The following LHCGR variants were observed in gnomAD, a reference collection of about 807,000 sequenced individuals.
LHCGR encodes the protein luteinizing hormone/choriogonadotropin receptor, also known as lutropin-choriogonadotropic hormone receptor.
Under a neutral mutation model 60.7 loss-of-function variants are expected in LHCGR, and 55 were observed. The observed-to-expected ratio is 0.91, with a 90% CI of 0.73 to 1.13. The LOEUF is 1.13. Ranked by LOEUF, LHCGR falls within the 50% of genes most tolerant of loss-of-function variation. The pLI is 0.00. For synonymous variants in LHCGR, 337 were observed against 316.5 expected (o/e 1.06, Z -0.69); for missense variants, 862 against 836.0 (o/e 1.03, Z -0.38).
In LHCGR at chr2:48,731,248, C is replaced by T. The variant is rs1668971448; in HGVS notation, c.212G>A (p.Gly71Glu). The change falls in exon 2 of 11, where the codon GGA becomes GAA. Residue 71 changes from glycine to glutamate, a missense_variant. Physicochemically the swap from Gly to Glu is moderately conservative, Grantham distance 98. Transcript: ENST00000294954. ...TTACATTTTTATGACCTCATTAAGT[C>T]CTCTGAAAGCTTGAGATGGGATCAC... ...VKVIPSQAFR[G>E]LNEVIKIEIS... The T allele has an allele frequency of 6.8e-6, 11 of 1,610,610 alleles. No homozygotes were observed. Among genetic ancestry groups the T allele is most frequent in the Non-Finnish European group, 8.5e-6 (10 of 1,177,538 alleles).
intron 8 of LHCGR, among the ~76,000 whole-genome samples, chr2:48,699,289 G>C (rs899164775): frequency 6.6e-6 from 1 of 151,804 alleles, no homozygotes; most frequent in African/African-American, 2.4e-5. Context: ...TTTCTCATGT[G>C]CGCCTCATTA....
chr2:48,698,738 A>G lies in LHCGR; in HGVS notation c.743T>C (p.Leu248Pro). 1 of 1,614,200 alleles carries G rather than the reference A, an allele frequency of 6.2e-7. No individual in the cohort carries two copies. The highest frequency in any genetic ancestry group is 2.2e-5 in the East Asian group (1 of 44,890). ...TAGAGAATAGGATGACGTGGCAATT[A>G]GCCTCTGAATGGACTCTAGGCCATA... ...PSYGLESIQRLIATSSYSLKK... is the reference protein window; with the variant it reads ...PSYGLESIQRPIATSSYSLKK... Residue 248 changes from leucine (L) to proline (P), a missense_variant, in exon 9 of 11, where the codon CTA (leucine) becomes CCA (proline). Coordinates refer to ENST00000294954, the MANE Select transcript of LHCGR (RefSeq NM_000233.4).
intron 1 of LHCGR, among the ~76,000 whole-genome samples, chr2:48,754,509 T>G (rs549169615): frequency 6.6e-6 from 1 of 152,206 alleles, no homozygotes; most frequent in Non-Finnish European, 1.5e-5. Flanking sequence ...AATCCTACAC[T>G]ATAGAATTTA....
chr2:48,746,043 G>T (rs891549989), intron 1 of LHCGR, among the ~76,000 whole-genome samples: 6 of 152,086 alleles, frequency 3.9e-5, no homozygotes, highest in African/African-American at 1.2e-4. Context: ...CATCTATAAA[G>T]TGTGTATAAT....
chr2:48,734,584 C>G (rs555535903), intron 1 of LHCGR, among the ~76,000 whole-genome samples: 1 of 152,296 alleles, frequency 6.6e-6, no homozygotes, highest in East Asian at 1.9e-4. Flanking sequence ...TCCCTTCTTC[C>G]CTCCTTCCTT....
chr2:48,698,473 T>A, intron 9 of LHCGR, 142 bp downstream of exon 9: 1 of 692,800 alleles, frequency 1.4e-6, no homozygotes, highest in South Asian at 1.6e-5. Context: ...TCTTCTTGTC[T>A]ATTTGAAAGT....
At position 48,729,133 on chromosome 2, in the gene LHCGR, G is replaced by T. The variant is rs755892952; in HGVS notation, c.308+20C>A. On this transcript the variant is annotated intron_variant, in intron 3 of 10. Coordinates refer to ENST00000294954, the MANE Select transcript of LHCGR (RefSeq NM_000233.4). ...GGGTAATAGTGTACAGCAGTAAACTGTCTGTTAGCTGATGCTTACATTTCA... is the reference window on the plus strand; with the variant it reads ...GGGTAATAGTGTACAGCAGTAAACTTTCTGTTAGCTGATGCTTACATTTCA... The T allele has an allele frequency of 2.4e-5, 37 of 1,566,608 alleles. No individual in the cohort carries two copies. Among genetic ancestry groups the T allele is most frequent in the Non-Finnish European group, 3.3e-5 (37 of 1,137,476 alleles).
chr2:48,736,784 A>G (rs1453766010), intron 1 of LHCGR, among the ~76,000 whole-genome samples: 1 of 152,176 alleles, frequency 6.6e-6, no homozygotes, highest in Non-Finnish European at 1.5e-5. Flanking sequence ...AAACCTATCA[A>G]TTGGGAGACA....
chr2:48,749,040 C>T (rs985265454), intron 1 of LHCGR, among the ~76,000 whole-genome samples: 35 of 152,202 alleles, frequency 2.3e-4, no homozygotes, highest in Admixed American at 5.9e-4. Context: ...CCAGGAGTAG[C>T]GTAACCTCAT....
chr2:48,725,319 C>G (rs536742729), intron 4 of LHCGR, among the ~76,000 whole-genome samples: 9 of 152,312 alleles, frequency 5.9e-5, no homozygotes, highest in Middle Eastern at 3.4e-3. Flanking sequence ...AATTGCCACT[C>G]TCACTTTCAC....
chr2:48,695,641 A>G (rs934574038), intron 9 of LHCGR, among the ~76,000 whole-genome samples: 3 of 152,222 alleles, frequency 2.0e-5, no homozygotes, highest in Non-Finnish European at 4.4e-5. Flanking sequence ...ACAAAGACAT[A>G]GAATCAACCT....
At chr2:48,731,155 A>C in intron 2 of LHCGR, 72 bp downstream of exon 2, 1 of 1,033,730 alleles carries the variant, frequency 9.7e-7, no homozygotes, top group African/African-American at 1.6e-5. Flanking sequence ...TCCCCTTTCA[A>C]ATGTGTTTTC....
intron 7 of LHCGR, among the ~76,000 whole-genome samples, chr2:48,713,542 C>T (rs1309678842): frequency 6.6e-6 from 1 of 152,130 alleles, no homozygotes; most frequent in Non-Finnish European, 1.5e-5. Flanking sequence ...GAGCTTCCTC[C>T]CACACTAGCA....
intron 1 of LHCGR, among the ~76,000 whole-genome samples, chr2:48,735,689 T>C (rs1389982320): frequency 6.6e-6 from 1 of 152,200 alleles, no homozygotes; most frequent in Non-Finnish European, 1.5e-5. Flanking sequence ...CTTTCTGTAG[T>C]GGATACTGTG....
intron 1 of LHCGR, 105 bp downstream of exon 1, chr2:48,755,406 C>T (rs887982120): frequency 5.3e-6 from 4 of 759,270 alleles, no homozygotes; most frequent in Admixed American, 2.9e-5. Flanking sequence ...CGTTTTTCTC[C>T]AAGCTTCCAG....
At chr2:48,709,807 G>C (rs1667889768) in intron 7 of LHCGR, among the ~76,000 whole-genome samples, 1 of 152,160 alleles carries the variant, frequency 6.6e-6, no homozygotes, top group Admixed American at 6.5e-5. Flanking sequence ...CCTCCTTTCT[G>C]GGCCCTGACA....
Position 48,723,480 on chromosome 2 carries a change from C to T in LHCGR, c.512G>A (p.Gly171Glu). 6.2e-7 allele frequency: 1 copy of T among 1,611,838 alleles called. No individual in the cohort carries two copies. The highest frequency in any genetic ancestry group is 8.5e-7 in the Non-Finnish European group (1 of 1,177,992). The part of the protein sequence containing the change: ...ITTIPGNAFQ[G>E]MNNESVTLKL... Reference sequence around the variant, plus strand: ...CAGTGTTACAGATTCATTATTCATCCCTTGAAAAGCATTTCCTGGTATGGT... The same window carrying T: ...CAGTGTTACAGATTCATTATTCATCTCTTGAAAAGCATTTCCTGGTATGGT... Residue 171 changes from glycine to glutamate, a missense_variant, in exon 6 of 11, where the codon GGG becomes GAG. Transcript: ENST00000294954.
chr2:48,707,180 G>C lies in LHCGR; in HGVS notation c.680+1768C>G, dbSNP rs987694764. Among the ~76,000 whole-genome samples the C allele has an allele frequency of 3.9e-5, 6 of 152,202 alleles. No individual in the cohort carries two copies. The South Asian group carries it at 1.2e-3, about 32-fold the overall frequency. ...GCTGCAGGTCTGTTGGAGTTTGCTG[G>C]AGATCCACTCCGGACTCTGTTTGCC... On this transcript the variant is annotated intron_variant, in intron 8 of 10. Coordinates refer to ENST00000294954, the MANE Select transcript of LHCGR (RefSeq NM_000233.4).
chr2:48,690,807 T>C (rs925821914), intron 10 of LHCGR, among the ~76,000 whole-genome samples: 2 of 152,252 alleles, frequency 1.3e-5, no homozygotes, highest in Admixed American at 1.3e-4. Context: ...TAAGTGATGA[T>C]GCATGTCTAT....
Sources: gnomAD v4.1 joint callset for allele counts (sites outside exome capture counted in the v4.1 genomes callset) on GRCh38, gnomAD v4.1.1 for gene constraint, MANE v1.5 for transcripts, NCBI Gene and HGNC (gene_info 2026-07-23, HGNC 2026-07-21) for gene names.